Variants in SNAPC1 observed in about 807,000 individuals in gnomAD.
SNAPC1 encodes the protein snRNA-activating protein complex subunit 1.
A neutral mutation model predicts 50.1 loss-of-function variants in SNAPC1; 42 were observed. The ratio of observed to expected loss-of-function variants is 0.84; its 90% CI spans 0.65 to 1.08. The LOEUF (loss-of-function observed/expected upper bound fraction) is 1.08, where lower values mean the gene tolerates loss of function less well. Among genes scored for constraint, SNAPC1 ranks in the 50% least tolerant of loss-of-function variants. The probability of loss-of-function intolerance (pLI) is 0.00; values close to 1 mark genes in which losing one functional copy is unlikely to be tolerated. For synonymous variants in SNAPC1, 164 were observed against 144.2 expected, an observed-to-expected ratio of 1.14 and a Z score of -0.98; for missense variants, 477 against 427.3, an observed-to-expected ratio of 1.12 and a Z score of -1.02.
intron 8 of SNAPC1, among the ~76,000 whole-genome samples, chr14:61,788,733 T>G (rs1364447911): frequency 2.6e-5 from 4 of 152,336 alleles, no homozygotes; most frequent in Non-Finnish European, 4.4e-5. Context: ...TGGCACATTC[T>G]TTTCATAGAG....
intron 8 of SNAPC1, among the ~76,000 whole-genome samples, chr14:61,785,304 A>G (rs1341638665): frequency 6.6e-6 from 1 of 152,162 alleles, no homozygotes; most frequent in African/African-American, 2.4e-5. Flanking sequence ...TGGGAGACTG[A>G]GGCAGAATTG....
At chr14:61,794,878 G>A in intron 9 of SNAPC1, 71 bp from the exon 10 acceptor site, 1 of 997,110 alleles carries the variant, frequency 1.0e-6, no homozygotes, top group Non-Finnish European at 1.6e-6. Flanking sequence ...TCATGTAAGT[G>A]TCAGTTGTTT....
intron 3 of SNAPC1, among the ~76,000 whole-genome samples, chr14:61,768,422 C>G (rs2044964479): frequency 6.6e-6 from 1 of 152,110 alleles, no homozygotes; most frequent in African/African-American, 2.4e-5. Context: ...TCTGTCTTAT[C>G]TGAATTTGTA....
At chr14:61,769,556 C>T (rs2044973242) in intron 4 of SNAPC1, among the ~76,000 whole-genome samples, 2 of 151,754 alleles carry the variant, frequency 1.3e-5, no homozygotes, top group South Asian at 4.2e-4. Context: ...TGCCACCATG[C>T]CCGGCTGATT....
Position 61,782,345 on chromosome 14 carries a change from G to A in SNAPC1, c.924G>A (p.Glu308=), listed in dbSNP as rs145109867. 5 of 1,613,494 alleles carry A rather than the reference G, an allele frequency of 3.1e-6. No homozygotes were observed. The highest frequency in any genetic ancestry group is 4.2e-6 in the Non-Finnish European group (5 of 1,179,814). ...AAGTCAAAGCAACTAGGAAAAAAGAGAAGAAAGAAAGATTGAAACCAGCAG... is the reference window on the plus strand; with the variant it reads ...AAGTCAAAGCAACTAGGAAAAAAGAAAAGAAAGAAAGATTGAAACCAGCAG... ...QGQVKATRKK[E]KKERLKPAGR... Residue 308 remains glutamate, a synonymous_variant, in exon 8 of 10, where the codon GAG becomes GAA. Coordinates refer to ENST00000216294, the MANE Select transcript of SNAPC1 (RefSeq NM_003082.4).
rs1168682514 is a variant in SNAPC1 at position 61,762,507 on chromosome 14, G to A, written c.47G>A (p.Ser16Asn). ...CAGACCGACTGCGAGGCGCTGCTCA[G>A]CCGCTTCCAGGAGACGGACAGTGTA... ...GLQTDCEALL[S>N]RFQETDSVRF... Residue 16 changes from serine to asparagine, a missense_variant, in exon 1 of 10, where the codon AGC becomes AAC. Coordinates refer to ENST00000216294, the MANE Select transcript of SNAPC1 (RefSeq NM_003082.4). 1.3e-6 allele frequency: 2 copies of A among 1,497,142 alleles called. No homozygotes were observed. Among genetic ancestry groups the A allele is most frequent in the East Asian group, 2.5e-5 (1 of 40,596 alleles). The allele number at this position is 1,497,142 out of a possible 1,614,324, so 92.7% of individuals were successfully genotyped here.
Position 61,791,157 on chromosome 14 carries a change from A to G in SNAPC1, c.977-1650A>G, listed in dbSNP as rs569567198. Among the ~76,000 whole-genome samples, 3 of 152,008 alleles carry G rather than the reference A, an allele frequency of 2.0e-5. No individual in the cohort carries two copies. In the East Asian group the frequency reaches 5.8e-4, roughly 30 times the overall value. ...CTCCCGGGTAGCTGGGATTACAGGC[A>G]CCCACCACCATGCCCAGCTAATTTT... On this transcript the variant is annotated intron_variant, in intron 8 of 9. Transcript: ENST00000216294.
chr14:61,794,377 T>G (rs1333102595), intron 9 of SNAPC1, among the ~76,000 whole-genome samples: 1 of 151,890 alleles, frequency 6.6e-6, no homozygotes, highest in East Asian at 1.9e-4. Flanking sequence ...TTAATGGAGG[T>G]AGTATTTTTT....
chr14:61,785,115 T>G (rs111461015), intron 8 of SNAPC1, among the ~76,000 whole-genome samples: 1 of 152,128 alleles, frequency 6.6e-6, no homozygotes, highest in African/African-American at 2.4e-5. Context: ...GAGACACAAG[T>G]TTCCAGGCCG....
In SNAPC1 at chr14:61,769,366, A is replaced by C. The variant is rs527321250; in HGVS notation, c.534+626A>C. Reference sequence around the variant, plus strand: ...GCAAGATTCCGTTTTGAAAAACAAAAAAACCAATGTGCATTTATTTCCTGA... The same window carrying C: ...GCAAGATTCCGTTTTGAAAAACAAACAAACCAATGTGCATTTATTTCCTGA... On this transcript the variant is annotated intron_variant, in intron 4 of 9. Transcript: ENST00000216294. Among the ~76,000 whole-genome samples the C allele has an allele frequency of 6.0e-4, 91 of 151,732 alleles. No individual in the cohort carries two copies. In the Middle Eastern group the frequency reaches 0.024, roughly 40 times the overall value.
At chr14:61,768,548 A>G (rs2044965361) in intron 3 of SNAPC1, 88 bp from the exon 4 acceptor site, 2 of 705,752 alleles carry the variant, frequency 2.8e-6, no homozygotes, top group African/African-American at 1.8e-5. Flanking sequence ...TTACTTATAG[A>G]CAATTTTTAG....
chr14:61,771,235 C>T (rs1367425305), intron 4 of SNAPC1, among the ~76,000 whole-genome samples: 1 of 151,094 alleles, frequency 6.6e-6, no homozygotes, highest in Non-Finnish European at 1.5e-5. Flanking sequence ...AACATTTCTG[C>T]AAAATAAGTG....
At chr14:61,783,359 G>C (rs1256941677) in intron 8 of SNAPC1, among the ~76,000 whole-genome samples, 1 of 151,670 alleles carries the variant, frequency 6.6e-6, no homozygotes, top group Non-Finnish European at 1.5e-5. Flanking sequence ...AGTAATTTTT[G>C]TGTGCGAATC....
chr14:61,768,436 A>G (rs2044964582), intron 3 of SNAPC1, among the ~76,000 whole-genome samples, 200 bp from the exon 4 acceptor site: 1 of 152,240 alleles, frequency 6.6e-6, no homozygotes, highest in Non-Finnish European at 1.5e-5. Context: ...ATTTGTAGGC[A>G]TGTGGCATGG....
chr14:61,777,077 T>C (rs1385901654), intron 5 of SNAPC1, among the ~76,000 whole-genome samples: 3 of 152,254 alleles, frequency 2.0e-5, no homozygotes, highest in Non-Finnish European at 1.5e-5. Context: ...GTCTTGATAA[T>C]GTGTTGGTGT....
Position 61,782,368 on chromosome 14 carries a change from C to T in SNAPC1, c.947C>T (p.Ala316Val), listed in dbSNP as rs2045082122. The T allele has an allele frequency of 6.2e-7, 1 of 1,612,392 alleles. No homozygotes were observed. The stretch of plus-strand genomic sequence containing the variant: ...GAGAAGAAAGAAAGATTGAAACCAG[C>T]AGGAAGGAAGATGTCTCTCAGAAAC... Reference protein sequence around the residue: ...KKEKKERLKPAGRKMSLRNKG... With the variant: ...KKEKKERLKPVGRKMSLRNKG... Residue 316 changes from alanine to valine, a missense_variant, in exon 8 of 10, where the codon GCA (alanine) becomes GTA (valine). Physicochemically the swap from Ala to Val is moderately conservative, Grantham distance 64 (BLOSUM62 0). Transcript: ENST00000216294.
intron 1 of SNAPC1, among the ~76,000 whole-genome samples, chr14:61,765,063 T>G (rs1566586435): frequency 6.6e-6 from 1 of 152,236 alleles, no homozygotes; most frequent in African/African-American, 2.4e-5. Flanking sequence ...AATGTTTTAT[T>G]TAAAATCTGG....
chr14:61,783,017 A>ATT (rs767793462), intron 8 of SNAPC1, among the ~76,000 whole-genome samples: 10,143 of 114,618 alleles, frequency 0.088, 725 homozygotes, highest in African/African-American at 0.15. Flanking sequence ...TTTCCAGTGC[A>ATT]TTTTTTTTTT....
At chr14:61,762,979 G>GTTTTTTTTTT (rs1384010616) in intron 1 of SNAPC1, among the ~76,000 whole-genome samples, 1 of 74,364 alleles carries the variant, frequency 1.3e-5, no homozygotes, top group African/African-American at 4.3e-5. Flanking sequence ...AACCAAAGTT[G>GTTTTTTTTTT]TCTTTTTTTT....
Sources: allele counts gnomAD v4.1 joint callset (sites outside exome capture counted in the v4.1 genomes callset), GRCh38; gene constraint gnomAD v4.1.1; transcripts MANE v1.5; gene names NCBI Gene and HGNC (gene_info 2026-07-23, HGNC 2026-07-21).